Variants in PCDH9 observed in about 807,000 individuals in gnomAD.
The protein encoded by PCDH9 is protocadherin-9.
A neutral mutation model predicts 70.6 loss-of-function variants in PCDH9; 24 were observed. The observed-to-expected ratio is 0.34, with a 90% CI of 0.25 to 0.48. The LOEUF (loss-of-function observed/expected upper bound fraction) is 0.48, where lower values mean the gene tolerates loss of function less well. Ranked by LOEUF, PCDH9 falls within the 20% of genes least tolerant of loss-of-function variation. PCDH9 has a pLI of 0.99. For missense variants in PCDH9, 1,281 were observed against 1,503.6 expected (o/e 0.85, Z 2.45); for synonymous variants, 562 against 558.5 (o/e 1.01, Z -0.09).
intron 2 of PCDH9, among the ~76,000 whole-genome samples, chr13:66,968,216 A>C (rs1225380083): frequency 2.6e-5 from 4 of 152,038 alleles, no homozygotes; most frequent in Non-Finnish European, 4.4e-5. Context: ...CTATCCTTAC[A>C]TGGCTTTATT....
chr13:66,512,102 A>C (rs1392698074), intron 4 of PCDH9, among the ~76,000 whole-genome samples: 1 of 152,082 alleles, frequency 6.6e-6, no homozygotes, highest in Non-Finnish European at 1.5e-5. Context: ...ATCCTAATTA[A>C]TATTTACTTC....
At chr13:66,919,328 T>A (rs573612602) in intron 2 of PCDH9, among the ~76,000 whole-genome samples, 1 of 151,340 alleles carries the variant, frequency 6.6e-6, no homozygotes, top group East Asian at 1.9e-4. Flanking sequence ...TGTCCAAAAT[T>A]CAAGCTTACA....
rs548589358 is a variant in PCDH9 at position 66,988,714 on chromosome 13, G to A, written c.3037-85109C>T. Reference sequence around the variant, plus strand: ...TAGAATTTCAGAGTTTGATTCAATAGGGACAGTCATCTATTCTTATTTATT... The same window carrying A: ...TAGAATTTCAGAGTTTGATTCAATAAGGACAGTCATCTATTCTTATTTATT... On this transcript the variant is annotated intron_variant, in intron 2 of 4. Coordinates refer to ENST00000377865, the MANE Select transcript of PCDH9 (RefSeq NM_203487.3). Among the ~76,000 whole-genome samples, 15 of 152,052 alleles carry A rather than the reference G, an allele frequency of 9.9e-5. 1 individual carries two copies. In the Middle Eastern group the frequency reaches 0.02, roughly 207 times the overall value.
chr13:67,214,972 A>ATATATATATATATATATATATATT (rs1566500830), intron 2 of PCDH9: 1 of 124,354 alleles, frequency 8.0e-6, no homozygotes, highest in African/African-American at 2.9e-5. Context: ...ATATATATAT[A>ATATATATATATATATATATATATT]TTCACTTAAT....
chr13:66,775,870 C>T (rs995340138), intron 3 of PCDH9, among the ~76,000 whole-genome samples: 5 of 151,982 alleles, frequency 3.3e-5, no homozygotes, highest in African/African-American at 2.4e-5. Context: ...CTGTGTTGAC[C>T]CTTTAGATGA....
chr13:67,100,254 T>C (rs1280500416), intron 2 of PCDH9, among the ~76,000 whole-genome samples: 2 of 152,138 alleles, frequency 1.3e-5, no homozygotes, highest in African/African-American at 4.8e-5. Context: ...TAAGAAATAA[T>C]AGTAAACATA....
intron 2 of PCDH9, among the ~76,000 whole-genome samples, chr13:67,199,751 T>C (rs986766092): frequency 1.3e-5 from 2 of 152,122 alleles, no homozygotes; most frequent in African/African-American, 2.4e-5. Flanking sequence ...AACATTTAAC[T>C]AAGATACCAA....
intron 4 of PCDH9, among the ~76,000 whole-genome samples, chr13:66,309,575 C>T (rs1955526988): frequency 6.6e-6 from 1 of 151,782 alleles, no homozygotes; most frequent in Non-Finnish European, 1.5e-5. Flanking sequence ...CATAAATATA[C>T]AGGGTTTTAA....
At chr13:67,007,138 A>G (rs1019580996) in intron 2 of PCDH9, among the ~76,000 whole-genome samples, 1 of 152,096 alleles carries the variant, frequency 6.6e-6, no homozygotes, top group African/African-American at 2.4e-5. Context: ...TTTCCTAAGT[A>G]TGCAACAGTA....
intron 3 of PCDH9, among the ~76,000 whole-genome samples, chr13:66,818,953 A>AAAAACAT (rs2080660676): frequency 6.6e-6 from 1 of 151,896 alleles, no homozygotes; most frequent in African/African-American, 2.4e-5. Context: ...ACAAAAAACA[A>AAAAACAT]AAAACAAAAA....
intron 2 of PCDH9, among the ~76,000 whole-genome samples, chr13:66,975,254 C>T (rs898935755): frequency 7.9e-5 from 12 of 151,874 alleles, no homozygotes; most frequent in African/African-American, 2.4e-4. Flanking sequence ...TTACTTTTAA[C>T]GCTATTTGGA....
At chr13:67,137,559 A>G (rs2087264334) in intron 2 of PCDH9, among the ~76,000 whole-genome samples, 1 of 152,166 alleles carries the variant, frequency 6.6e-6, no homozygotes, top group Non-Finnish European at 1.5e-5. Context: ...CTGTGTTGTA[A>G]TGGAAATTGG....
chr13:67,179,673 G>A (rs986243761), intron 2 of PCDH9, among the ~76,000 whole-genome samples: 2 of 151,976 alleles, frequency 1.3e-5, no homozygotes, highest in Admixed American at 6.6e-5. Flanking sequence ...AATAAGAGAA[G>A]TTTTCATAAG....
At chr13:66,470,980 T>A (rs951769836) in intron 4 of PCDH9, among the ~76,000 whole-genome samples, 1 of 150,856 alleles carries the variant, frequency 6.6e-6, no homozygotes, top group Non-Finnish European at 1.5e-5. Context: ...AAGTGCTCAA[T>A]AAAAGGCAGC....
chr13:67,007,419 T>A (rs1401255705), intron 2 of PCDH9, among the ~76,000 whole-genome samples: 1 of 152,010 alleles, frequency 6.6e-6, no homozygotes, highest in Non-Finnish European at 1.5e-5. Flanking sequence ...ATTAAGACAG[T>A]GGGTTTCTGA....
chr13:66,728,202 T>G (rs1047861064), intron 3 of PCDH9, among the ~76,000 whole-genome samples: 1 of 152,182 alleles, frequency 6.6e-6, no homozygotes, highest in African/African-American at 2.4e-5. Flanking sequence ...TACTATTCAC[T>G]ACTTCAGTTA....
chr13:66,804,861 C>T (rs998506030), intron 3 of PCDH9, among the ~76,000 whole-genome samples: 2 of 151,924 alleles, frequency 1.3e-5, no homozygotes, highest in African/African-American at 4.8e-5. Flanking sequence ...ATTTCAAACA[C>T]GTTTGAGAGT....
intron 3 of PCDH9, among the ~76,000 whole-genome samples, chr13:66,885,129 C>G (rs188746912): frequency 1.3e-5 from 2 of 152,198 alleles, no homozygotes; most frequent in East Asian, 3.9e-4. Flanking sequence ...TGATTAAGCT[C>G]TAATCTTCTG....
chr13:66,925,413 T>C (rs961054178), intron 2 of PCDH9, among the ~76,000 whole-genome samples: 3 of 151,938 alleles, frequency 2.0e-5, no homozygotes, highest in Admixed American at 1.3e-4. Context: ...GAATTTTCTA[T>C]GTATTCTGTT....
Sources: gnomAD v4.1 joint callset for allele counts (sites outside exome capture counted in the v4.1 genomes callset) on GRCh38, gnomAD v4.1.1 for gene constraint, MANE v1.5 for transcripts, NCBI Gene and HGNC (gene_info 2026-07-23, HGNC 2026-07-21) for gene names.